PARD3B: variants seen among roughly 807,000 people sequenced by gnomAD.
The protein encoded by PARD3B is partitioning defective 3 homolog B.
PARD3B carries 103 observed loss-of-function variants against 130.2 expected under a neutral mutation model. The ratio of observed to expected loss-of-function variants is 0.79; its 90% CI spans 0.67 to 0.93. The LOEUF is 0.93. PARD3B is among the 40% of genes least tolerant of loss of function. The pLI is 0.00. For synonymous variants in PARD3B, 583 were observed against 553.2 expected, an observed-to-expected ratio of 1.05 and a Z score of -0.76; for missense variants, 1,609 against 1,499.2, an observed-to-expected ratio of 1.07 and a Z score of -1.21.
At chr2:205,129,301 C>A (rs1011411994) in intron 10 of PARD3B, among the ~76,000 whole-genome samples, 2 of 152,178 alleles carry the variant, frequency 1.3e-5, no homozygotes, top group Non-Finnish European at 2.9e-5. Flanking sequence ...GCCTCGAATG[C>A]CAAGAGGCAA....
chr2:204,728,880 T>C (rs1179852561), intron 2 of PARD3B, among the ~76,000 whole-genome samples: 2 of 152,118 alleles, frequency 1.3e-5, no homozygotes, highest in African/African-American at 4.8e-5. Flanking sequence ...CAGAGAGACA[T>C]TGGGAAGGAC....
At chr2:204,791,062 G>A (rs767869730) in intron 2 of PARD3B, among the ~76,000 whole-genome samples, 5 of 151,780 alleles carry the variant, frequency 3.3e-5, no homozygotes, top group Non-Finnish European at 5.9e-5. Flanking sequence ...CCAAGATGAC[G>A]CCACCGCCCT....
chr2:205,500,025 A>G lies in PARD3B; in HGVS notation c.3174A>G (p.Leu1058=). ...EGRARPSEYD[L]LWVPGRGPDG... ...GAGCAAGGCCATCTGAGTATGACCT[A>G]CTCTGGGTAAGCGCATGCATGATTT... is the stretch of plus-strand genomic sequence containing the variant. The change falls in exon 21 of 23, where the codon CTA becomes CTG. Residue 1058 remains leucine (L), a synonymous_variant. Coordinates refer to ENST00000406610, the MANE Select transcript of PARD3B (RefSeq NM_001302769.2). 1 of 1,613,356 alleles carries G rather than the reference A, an allele frequency of 6.2e-7. No homozygotes were observed. Among genetic ancestry groups the G allele is most frequent in the Middle Eastern group, 1.7e-4 (1 of 6,040 alleles).
intron 10 of PARD3B, among the ~76,000 whole-genome samples, chr2:205,143,182 GT>G (rs987553204): frequency 2.0e-5 from 3 of 152,210 alleles, no homozygotes; most frequent in African/African-American, 7.2e-5. Flanking sequence ...CATGAAATGT[GT>G]TTTTTTCCTT....
At chr2:205,598,236 A>C (rs1575452252) in intron 22 of PARD3B, among the ~76,000 whole-genome samples, 1 of 152,112 alleles carries the variant, frequency 6.6e-6, no homozygotes, top group African/African-American at 2.4e-5. Context: ...ACACACAACA[A>C]CACCTATAGG....
chr2:204,892,085 T>C (rs890502998), intron 2 of PARD3B, among the ~76,000 whole-genome samples: 7 of 152,080 alleles, frequency 4.6e-5, no homozygotes, highest in African/African-American at 1.7e-4. Flanking sequence ...GATAAGTAGA[T>C]AGGGGGAGCC....
chr2:204,842,059 A>G (rs1559189940), intron 2 of PARD3B, among the ~76,000 whole-genome samples: 1 of 152,150 alleles, frequency 6.6e-6, no homozygotes, highest in East Asian at 1.9e-4. Context: ...CCCGACTAAA[A>G]ATCATTTGAA....
intron 19 of PARD3B, among the ~76,000 whole-genome samples, chr2:205,436,080 C>T (rs2047504748): frequency 6.6e-6 from 1 of 152,184 alleles, no homozygotes. Context: ...TAGGTTTCCT[C>T]ATTTGGCAGA....
rs562281568 is a variant in PARD3B at position 205,416,566 on chromosome 2, C to A, written c.2741+15443C>A. On this transcript the variant is annotated intron_variant, in intron 19 of 22. Coordinates refer to ENST00000406610, the MANE Select transcript of PARD3B (RefSeq NM_001302769.2). ...TTCATCCCTGAAAATCTGCTAAGCC[C>A]TTGGCCTGCAGGTGAGCAGCATGCA... is the stretch of plus-strand genomic sequence containing the variant. Among the ~76,000 whole-genome samples the A allele has an allele frequency of 6.6e-5, 10 of 152,238 alleles. No individual in the cohort carries two copies. In the East Asian group the frequency reaches 9.7e-4, roughly 15 times the overall value.
At chr2:204,992,752 C>G (rs1693837324) in intron 3 of PARD3B, among the ~76,000 whole-genome samples, 1 of 137,006 alleles carries the variant, frequency 7.3e-6, no homozygotes, top group South Asian at 2.6e-4. Flanking sequence ...CTTTTATTTC[C>G]TTGAGCAGTG....
chr2:205,092,248 G>A (rs1056414635), intron 4 of PARD3B, among the ~76,000 whole-genome samples: 1 of 152,138 alleles, frequency 6.6e-6, no homozygotes, highest in Non-Finnish European at 1.5e-5. Flanking sequence ...TGTGGACAAT[G>A]AAAAGGGAAT....
intron 15 of PARD3B, among the ~76,000 whole-genome samples, chr2:205,199,661 C>A (rs774332807): frequency 5.3e-5 from 8 of 151,928 alleles, no homozygotes; most frequent in Non-Finnish European, 1.2e-4. Context: ...TGTTTTAAAC[C>A]CCTGCTAGAT....
intron 20 of PARD3B, among the ~76,000 whole-genome samples, chr2:205,498,060 C>T (rs1184210484): frequency 7.8e-6 from 1 of 128,150 alleles, no homozygotes; most frequent in Non-Finnish European, 1.7e-5. Flanking sequence ...ATTTGCTGGG[C>T]GTGGTGGCAG....
intron 3 of PARD3B, among the ~76,000 whole-genome samples, chr2:204,973,557 C>T (rs1193780721): frequency 1.9e-4 from 27 of 144,688 alleles, no homozygotes; most frequent in Admixed American, 1.9e-3. Context: ...ATTTTCTTTC[C>T]ACCCAGATGG....
rs925997161 is a variant in PARD3B at position 205,184,767 on chromosome 2, TAC to T, written c.1925-983_1925-982del. Among the ~76,000 whole-genome samples, 23 of 150,152 alleles carry T rather than the reference TAC, an allele frequency of 1.5e-4. No homozygotes were observed. In the South Asian group the frequency reaches 2.3e-3, roughly 15 times the overall value. ...AAAAATAATAATAATAATAAATATA[TAC>T]ACACACACACACATATATATATATA... On this transcript the variant is annotated intron_variant, in intron 13 of 22. Transcript: ENST00000406610.
chr2:205,402,325 T>C (rs1420649907), intron 19 of PARD3B, among the ~76,000 whole-genome samples: 1 of 152,218 alleles, frequency 6.6e-6, no homozygotes, highest in Non-Finnish European at 1.5e-5. Flanking sequence ...TCAGCAATCC[T>C]GTAATGTAAA....
intron 1 of PARD3B, among the ~76,000 whole-genome samples, chr2:204,579,595 G>A (rs563851933): frequency 6.6e-6 from 1 of 152,316 alleles, no homozygotes; most frequent in South Asian, 2.1e-4. Flanking sequence ...TGATTAATTT[G>A]CACATTTAAG....
At position 205,057,690 on chromosome 2, in the gene PARD3B, C is replaced by CATATATGTGTATGTGTATACGTAT. The variant is rs60670659; in HGVS notation, c.504+10005_504+10006insTGTGTATGTGTATACGTATATATA. On this transcript the variant is annotated intron_variant, in intron 4 of 22. Transcript: ENST00000406610. Reference sequence around the variant, plus strand: ...ACATATATGTGTATGTGTATACGTACATATACATATATGTGTATGTGTATA... The same window carrying CATATATGTGTATGTGTATACGTAT: ...ACATATATGTGTATGTGTATACGTACATATATGTGTATGTGTATACGTATATATACATATATGTGTATGTGTATA... Among the ~76,000 whole-genome samples, 80 of 105,916 alleles carry CATATATGTGTATGTGTATACGTAT rather than the reference C, an allele frequency of 7.6e-4. 2 individuals are homozygous for CATATATGTGTATGTGTATACGTAT. The highest frequency in any genetic ancestry group is 9.3e-4 in the African/African-American group (25 of 26,754). The allele number at this position is 105,916 out of a possible 152,430, so 69.5% of individuals were successfully genotyped here. A position where few individuals can be genotyped will look rare whatever the true frequency, so the allele number is the denominator to read the frequency against.
intron 1 of PARD3B, among the ~76,000 whole-genome samples, chr2:204,595,355 T>C (rs2033240483): frequency 6.6e-6 from 1 of 152,264 alleles, no homozygotes; most frequent in African/African-American, 2.4e-5. Flanking sequence ...AGATTAGAAA[T>C]TGAGATGGAG....
Sources: gnomAD v4.1 joint callset for allele counts (sites outside exome capture counted in the v4.1 genomes callset) on GRCh38, gnomAD v4.1.1 for gene constraint, MANE v1.5 for transcripts, NCBI Gene and HGNC (gene_info 2026-07-23, HGNC 2026-07-21) for gene names.